Variants in LY96 observed in about 807,000 individuals in gnomAD.
LY96 encodes the protein myeloid differentiation protein-2.
Under a neutral mutation model 18.9 loss-of-function variants are expected in LY96, and 18 were observed. The observed-to-expected ratio is 0.95, with a 90% confidence interval of 0.66 to 1.41. The LOEUF (loss-of-function observed/expected upper bound fraction) is 1.41, where lower values mean the gene tolerates loss of function less well. LY96 is among the 40% of genes most tolerant of loss of function. The probability of loss-of-function intolerance (pLI) is 0.00; values close to 1 mark genes in which losing one functional copy is unlikely to be tolerated. For synonymous variants in LY96, 66 were observed against 62.6 expected, an observed-to-expected ratio of 1.06 and a Z score of -0.26; for missense variants, 175 against 182.4, an observed-to-expected ratio of 0.96 and a Z score of 0.23.
At chr8:74,081,052 C>CTT in the LY96 span, among the ~76,000 whole-genome samples, 53 of 90,486 alleles carry the variant, frequency 5.9e-4, no homozygotes, top group East Asian at 2.6e-3. Context: ...CTTTCTTTTT[C>CTT]TTTCTTTCTT....
the LY96 span, among the ~76,000 whole-genome samples, chr8:74,091,980 C>T: frequency 6.6e-6 from 1 of 152,172 alleles, no homozygotes; most frequent in Non-Finnish European, 1.5e-5. Context: ...CGCTTTCTGT[C>T]CTCAACCTTT....
intron 1 of LY96, among the ~76,000 whole-genome samples, chr8:73,991,862 C>T (rs1279635099): frequency 6.6e-6 from 1 of 151,938 alleles, no homozygotes; most frequent in Non-Finnish European, 1.5e-5. Context: ...AAACCATCTG[C>T]TTCTGAGCTT....
At chr8:74,035,857 CCCT>C in the LY96 span, among the ~76,000 whole-genome samples, 3 of 152,104 alleles carry the variant, frequency 2.0e-5, no homozygotes, top group East Asian at 5.8e-4. Flanking sequence ...ACCTGGAAGC[CCCT>C]CAACCTCTTT....
the LY96 span, among the ~76,000 whole-genome samples, chr8:74,042,545 A>G: frequency 6.6e-6 from 1 of 152,246 alleles, no homozygotes; most frequent in Admixed American, 6.5e-5. Context: ...GATTGGACTC[A>G]CTCAAAATTC....
At chr8:74,071,924 T>C in the LY96 span, among the ~76,000 whole-genome samples, 1 of 152,214 alleles carries the variant, frequency 6.6e-6, no homozygotes, top group African/African-American at 2.4e-5. Context: ...TACCTGTTGA[T>C]GTCCGTTTGA....
the LY96 span, among the ~76,000 whole-genome samples, chr8:74,062,343 T>C: frequency 6.6e-6 from 1 of 152,142 alleles, no homozygotes; most frequent in Non-Finnish European, 1.5e-5. Flanking sequence ...CCCATTCACC[T>C]ACGTATTAAG....
the LY96 span, among the ~76,000 whole-genome samples, chr8:74,074,740 C>G: frequency 2.0e-5 from 3 of 152,136 alleles, no homozygotes; most frequent in Non-Finnish European, 2.9e-5. Flanking sequence ...TCTTCATTGA[C>G]CCACTAGTCA....
chr8:74,020,273 T>C (rs1031891516), intron 3 of LY96, among the ~76,000 whole-genome samples: 1 of 152,020 alleles, frequency 6.6e-6, no homozygotes, highest in East Asian at 1.9e-4. Context: ...TATACACCAA[T>C]AACAGACAAA....
chr8:74,078,567 T>G, the LY96 span, among the ~76,000 whole-genome samples: 1 of 152,180 alleles, frequency 6.6e-6, no homozygotes, highest in African/African-American at 2.4e-5. Context: ...TTAGGTTGTG[T>G]TGGGTTCTGA....
chr8:74,005,661 G>A (rs1320680934), intron 2 of LY96, among the ~76,000 whole-genome samples: 8 of 152,152 alleles, frequency 5.3e-5, no homozygotes, highest in Non-Finnish European at 1.2e-4. Flanking sequence ...GCTTTGTGTT[G>A]TGTCTTGGTT....
chr8:74,042,975 C>T, the LY96 span, among the ~76,000 whole-genome samples: 1 of 151,950 alleles, frequency 6.6e-6, no homozygotes, highest in Non-Finnish European at 1.5e-5. Context: ...ACGGGGTTCC[C>T]CATGTTGGCC....
chr8:74,073,132 G>A, the LY96 span, among the ~76,000 whole-genome samples: 1 of 152,200 alleles, frequency 6.6e-6, no homozygotes, highest in African/African-American at 2.4e-5. Context: ...TGAAATCCGT[G>A]TCACGTCTTG....
chr8:74,009,961 T>A (rs929008036), intron 2 of LY96, 40 bp from the exon 3 acceptor site: 15 of 1,452,900 alleles, frequency 1.0e-5, no homozygotes, highest in Non-Finnish European at 1.5e-5. Context: ...TATAAAAGAA[T>A]CTACTATTTG....
chr8:74,006,227 G>C (rs377570300), intron 2 of LY96, among the ~76,000 whole-genome samples: 3 of 151,976 alleles, frequency 2.0e-5, no homozygotes, highest in Non-Finnish European at 4.4e-5. Flanking sequence ...TGGAGTCTCT[G>C]TCTGTTGCCC....
chr8:74,013,884 G>A (rs559006066), intron 3 of LY96, among the ~76,000 whole-genome samples: 3 of 152,094 alleles, frequency 2.0e-5, no homozygotes, highest in African/African-American at 4.8e-5. Context: ...AATATTGGCC[G>A]GTATCCTATA....
the LY96 span, among the ~76,000 whole-genome samples, chr8:74,067,180 C>A: frequency 1.3e-5 from 2 of 152,252 alleles, no homozygotes; most frequent in African/African-American, 2.4e-5. Flanking sequence ...TGCATGACAG[C>A]CCTCCCTTCT....
the LY96 span, among the ~76,000 whole-genome samples, chr8:74,057,153 C>A: frequency 6.6e-6 from 1 of 152,152 alleles, no homozygotes; most frequent in Non-Finnish European, 1.5e-5. Context: ...TTAAATCACA[C>A]TCTCCACACA....
chr8:74,049,398 A>G, the LY96 span, among the ~76,000 whole-genome samples: 1 of 152,114 alleles, frequency 6.6e-6, no homozygotes, highest in Non-Finnish European at 1.5e-5. Context: ...TGTTGCTTAC[A>G]TTTCTTTGGT....
intron 2 of LY96, among the ~76,000 whole-genome samples, chr8:74,006,372 A>G (rs1218838104): frequency 6.6e-6 from 1 of 151,960 alleles, no homozygotes; most frequent in Non-Finnish European, 1.5e-5. Context: ...TAATTTTTGT[A>G]TTTTTAGTAG....
Sources: allele counts gnomAD v4.1 joint callset (sites outside exome capture counted in the v4.1 genomes callset), GRCh38; gene constraint gnomAD v4.1.1; transcripts MANE v1.5; gene names NCBI Gene and HGNC (gene_info 2026-07-23, HGNC 2026-07-21).